The following RHOA variants were observed in gnomAD, a reference collection of about 807,000 sequenced individuals.
RHOA encodes transforming protein RhoA.
In RHOA, 3 loss-of-function variants were observed where a neutral mutation model predicts 17.5. That is an observed-to-expected ratio of 0.17 (90% CI 0.08 to 0.44). The LOEUF (loss-of-function observed/expected upper bound fraction) is 0.44. Ranked by LOEUF, RHOA falls within the 20% of genes least tolerant of loss-of-function variation. RHOA has a pLI of 0.99. For synonymous variants in RHOA, 98 were observed against 88.4 expected, an observed-to-expected ratio of 1.11 and a Z score of -0.61; for missense variants, 56 against 242.3, an observed-to-expected ratio of 0.23 and a Z score of 5.10.
chr3:49,409,961 A>T (rs1442226380), intron 1 of RHOA, among the ~76,000 whole-genome samples: 3 of 152,292 alleles, frequency 2.0e-5, no homozygotes, highest in Middle Eastern at 3.4e-3. Flanking sequence ...CTTAAAAAAA[A>T]ATCCAAACAA....
chr3:49,373,177 C>A (rs1294906820), intron 2 of RHOA: 1 of 169,386 alleles, frequency 5.9e-6, no homozygotes, highest in African/African-American at 2.4e-5. Context: ...AACCTCGTCT[C>A]TACTAAAAAT....
intron 1 of RHOA, among the ~76,000 whole-genome samples, chr3:49,383,859 G>A (rs1005592801): frequency 9.9e-5 from 15 of 151,686 alleles, no homozygotes; most frequent in African/African-American, 1.7e-4. Context: ...GCAAAACCCC[G>A]TCTCTACTGA....
intron 1 of RHOA, among the ~76,000 whole-genome samples, chr3:49,390,007 T>C (rs1198605259): frequency 6.6e-6 from 1 of 151,554 alleles, no homozygotes; most frequent in Non-Finnish European, 1.5e-5. Context: ...GTACACATAC[T>C]GATTTAGAAG....
chr3:49,380,495 C>G (rs2048298227), intron 1 of RHOA, among the ~76,000 whole-genome samples: 1 of 151,904 alleles, frequency 6.6e-6, no homozygotes. Context: ...ATCACGAGGT[C>G]AGGAGTTTGA....
intron 1 of RHOA, among the ~76,000 whole-genome samples, chr3:49,378,423 T>C (rs1024284647): frequency 9.9e-5 from 15 of 151,796 alleles, no homozygotes; most frequent in African/African-American, 3.6e-4. Flanking sequence ...ATTTTTGTAT[T>C]TTTGGCAGAG....
intron 1 of RHOA, among the ~76,000 whole-genome samples, chr3:49,396,681 T>C (rs1054189317): frequency 6.6e-6 from 1 of 151,990 alleles, no homozygotes; most frequent in Non-Finnish European, 1.5e-5. Context: ...CTCTCCAGAC[T>C]GGGCAACAAG....
At chr3:49,364,066 T>C (rs2048014746) in intron 3 of RHOA, among the ~76,000 whole-genome samples, 2 of 151,356 alleles carry the variant, frequency 1.3e-5, no homozygotes, top group African/African-American at 4.9e-5. Context: ...AACAAATAAA[T>C]AGGCTGGGCG....
At chr3:49,409,006 G>T (rs2048887295) in intron 1 of RHOA, among the ~76,000 whole-genome samples, 1 of 151,442 alleles carries the variant, frequency 6.6e-6, no homozygotes, top group East Asian at 2.0e-4. Context: ...GTGTTAGCCA[G>T]GATGGTCTCC....
At chr3:49,383,740 C>T (rs1164275665) in intron 1 of RHOA, among the ~76,000 whole-genome samples, 2 of 152,028 alleles carry the variant, frequency 1.3e-5, no homozygotes, top group African/African-American at 2.4e-5. Flanking sequence ...GTTTAAAGAC[C>T]CTAGTCCAGC....
chr3:49,387,160 A>AAAAAAAAAAAAAAAC, intron 1 of RHOA, among the ~76,000 whole-genome samples: 1 of 93,062 alleles, frequency 1.1e-5, no homozygotes, highest in East Asian at 3.3e-4. Flanking sequence ...AAAAAAAAAA[A>AAAAAAAAAAAAAAAC]CAGGCCGGGC....
chr3:49,376,440 G>A (rs1284931334), intron 1 of RHOA, among the ~76,000 whole-genome samples: 1 of 150,314 alleles, frequency 6.7e-6, no homozygotes, highest in Non-Finnish European at 1.5e-5. Context: ...TCAGGAGATC[G>A]AGACCATCCT....
intron 3 of RHOA, among the ~76,000 whole-genome samples, chr3:49,364,141 G>A (rs899627752): frequency 1.2e-4 from 19 of 152,064 alleles, no homozygotes; most frequent in Non-Finnish European, 2.1e-4. Context: ...CGTTAGGTCA[G>A]GAGTTCGAGA....
Position 49,362,704 on chromosome 3 carries a change from CAG to C in RHOA, c.278-80_278-79del. On this transcript the variant is annotated intron_variant, in intron 3 of 4. Transcript: ENST00000418115. Reference sequence around the variant, plus strand: ...CTTTCCAAGAACCTCAGTGAAATTGCAGAGACACTTTCTTTGTGGCTTCAGAA... The same window carrying C: ...CTTTCCAAGAACCTCAGTGAAATTGCAGACACTTTCTTTGTGGCTTCAGAA... 8.2e-6 allele frequency: 10 copies of C among 1,218,774 alleles called. 1 individual carries two copies. Among genetic ancestry groups the C allele is most frequent in the South Asian group, 7.5e-5 (5 of 66,534 alleles). The allele number at this position is 1,218,774 out of a possible 1,614,324, so 75.5% of individuals were successfully genotyped here.
chr3:49,378,242 T>C (rs2048265450), intron 1 of RHOA, among the ~76,000 whole-genome samples: 3 of 13,978 alleles, frequency 2.1e-4, no homozygotes, highest in Non-Finnish European at 4.1e-4. Context: ...CCATCTATCT[T>C]TTTTTTTTTT....
chr3:49,387,153 A>C (rs2048410957), intron 1 of RHOA, among the ~76,000 whole-genome samples: 2 of 101,700 alleles, frequency 2.0e-5, no homozygotes, highest in South Asian at 3.5e-4. Context: ...AAAAAAAAAA[A>C]AAAAAAACAG....
Position 49,398,437 on chromosome 3 carries a change from A to G in RHOA, c.-3+13383T>C, listed in dbSNP as rs1299755698. On this transcript the variant is annotated intron_variant, in intron 1 of 4. Coordinates refer to ENST00000418115, the MANE Select transcript of RHOA (RefSeq NM_001664.4). The stretch of plus-strand genomic sequence containing the variant: ...ACAGAACAAGAAATGGAGAATACAT[A>G]AAAGGGGGTAATTACAGTGATAAAC... 2.0e-5 allele frequency among the ~76,000 whole-genome samples: 3 copies of G among 152,088 alleles called. No homozygotes were observed. The East Asian group carries it at 5.8e-4, about 29-fold the overall frequency.
intron 4 of RHOA, among the ~76,000 whole-genome samples, chr3:49,360,593 G>A (rs551619679): frequency 4.3e-4 from 66 of 151,788 alleles, no homozygotes; most frequent in African/African-American, 1.5e-3. Context: ...TCAGCCTCCC[G>A]AGTAGCTGGG....
chr3:49,401,584 A>G (rs1318039806), intron 1 of RHOA, among the ~76,000 whole-genome samples: 1 of 151,828 alleles, frequency 6.6e-6, no homozygotes, highest in African/African-American at 2.4e-5. Context: ...AAATTGGGGA[A>G]ATGAAGTTGA....
chr3:49,380,751 A>G (rs928092026), intron 1 of RHOA, among the ~76,000 whole-genome samples: 2 of 150,018 alleles, frequency 1.3e-5, no homozygotes, highest in Non-Finnish European at 3.0e-5. Flanking sequence ...TATTGTCTAA[A>G]GGGTATGTTC....
Sources: gnomAD v4.1 joint callset for allele counts (sites outside exome capture counted in the v4.1 genomes callset) on GRCh38, gnomAD v4.1.1 for gene constraint, MANE v1.5 for transcripts, NCBI Gene and HGNC (gene_info 2026-07-23, HGNC 2026-07-21) for gene names.